Variants in SEC24D observed in about 807,000 individuals in gnomAD.
The protein encoded by SEC24D is SEC24 homolog D, COPII component.
Under a neutral mutation model 116.9 loss-of-function variants are expected in SEC24D, and 69 were observed. That is an observed-to-expected ratio of 0.59 (90% confidence interval 0.49 to 0.72). SEC24D has a LOEUF of 0.72. Ranked by LOEUF, SEC24D falls within the 30% of genes least tolerant of loss-of-function variation. The pLI, the probability that SEC24D is intolerant of heterozygous loss-of-function variation, is 0.00. For synonymous variants in SEC24D, 405 were observed against 442.8 expected (o/e 0.91, Z 1.07); for missense variants, 1,131 against 1,264.1 (o/e 0.89, Z 1.60).
At chr4:118,795,913 T>G (rs917566797) in intron 8 of SEC24D, among the ~76,000 whole-genome samples, 31 of 152,350 alleles carry the variant, frequency 2.0e-4, no homozygotes, top group Middle Eastern at 3.4e-3. Flanking sequence ...TACATTTTAT[T>G]GTAAATGAAT....
chr4:118,835,658 T>C (rs1313486008), intron 1 of SEC24D, among the ~76,000 whole-genome samples: 2 of 152,204 alleles, frequency 1.3e-5, no homozygotes, highest in Admixed American at 6.5e-5. Context: ...ACTCGAATGG[T>C]GGCCACTGAG....
chr4:118,768,361 A>T, intron 8 of SEC24D, 50 bp from the exon 9 acceptor site: 2 of 1,450,704 alleles, frequency 1.4e-6, no homozygotes, highest in Non-Finnish European at 1.9e-6. Flanking sequence ...TAGGATTTCT[A>T]GGTACTATAA....
At chr4:118,800,581 G>A (rs1343391050) in intron 7 of SEC24D, among the ~76,000 whole-genome samples, 1 of 152,168 alleles carries the variant, frequency 6.6e-6, no homozygotes, top group Admixed American at 6.5e-5. Context: ...ACTGCAGGCT[G>A]AATCCAGTCC....
chr4:118,790,741 C>A (rs1728860243), intron 8 of SEC24D, among the ~76,000 whole-genome samples: 1 of 151,414 alleles, frequency 6.6e-6, no homozygotes, highest in African/African-American at 2.4e-5. Flanking sequence ...TAGGCCGTTG[C>A]TAACACAATA....
rs756125105 is a variant in SEC24D, at chr4:118,745,078, C to G, written c.1708-18G>C. On this transcript the variant is annotated intron_variant, in intron 13 of 22. Coordinates refer to ENST00000280551, the MANE Select transcript of SEC24D (RefSeq NM_014822.4). Reference sequence around the variant, plus strand: ...TCTGCTGCCTAAAAAAAAAAAAAAACCCAAAAACCCACAGAAAATGCCGTG... The same window carrying G: ...TCTGCTGCCTAAAAAAAAAAAAAAAGCCAAAAACCCACAGAAAATGCCGTG... 6 of 1,058,342 alleles carry G rather than the reference C, an allele frequency of 5.7e-6. No homozygotes were observed. The African/African-American group carries it at 9.9e-5, about 17-fold the overall frequency. The allele number at this position is 1,058,342 out of a possible 1,614,324, so 65.6% of individuals were successfully genotyped here.
At chr4:118,789,259 T>C (rs191616701) in intron 8 of SEC24D, among the ~76,000 whole-genome samples, 196 of 152,302 alleles carry the variant, frequency 1.3e-3, no homozygotes, top group South Asian at 4.8e-3. Context: ...AGGGATGACA[T>C]GGTCATAGTG....
At chr4:118,818,897 T>C (rs879295434) in intron 3 of SEC24D, among the ~76,000 whole-genome samples, 2 of 152,148 alleles carry the variant, frequency 1.3e-5, no homozygotes, top group Admixed American at 6.6e-5. Context: ...AACAAAACTA[T>C]CCAATTTCTC....
At chr4:118,818,675 GT>G (rs1345840867) in intron 3 of SEC24D, among the ~76,000 whole-genome samples, 1 of 151,610 alleles carries the variant, frequency 6.6e-6, no homozygotes. Flanking sequence ...TGCAGTCTAT[GT>G]TTTATCGGTA....
intron 1 of SEC24D, among the ~76,000 whole-genome samples, chr4:118,835,112 T>A (rs1221899869): frequency 6.6e-6 from 1 of 152,210 alleles, no homozygotes; most frequent in Non-Finnish European, 1.5e-5. Flanking sequence ...GAGAGAGACG[T>A]GGCAGCCTGA....
chr4:118,744,196 T>C (rs1726381892), intron 14 of SEC24D, 38 bp from the exon 15 acceptor site: 1 of 1,461,360 alleles, frequency 6.8e-7, no homozygotes, highest in Admixed American at 2.5e-5. Context: ...AAAATAAAAA[T>C]TACAAAATGT....
intron 8 of SEC24D, among the ~76,000 whole-genome samples, chr4:118,773,015 C>T (rs1445986713): frequency 3.3e-5 from 5 of 152,130 alleles, no homozygotes; most frequent in Non-Finnish European, 7.3e-5. Flanking sequence ...CACCGGAGTT[C>T]ATGTAAGTTC....
In SEC24D at chr4:118,815,714, G is replaced by C. The variant is rs755428325; in HGVS notation, c.410C>G (p.Ala137Gly). The C allele has an allele frequency of 6.2e-7, 1 of 1,613,884 alleles. No homozygotes were observed. The highest frequency in any genetic ancestry group is 1.1e-5 in the South Asian group (1 of 91,080). Residue 137 changes from alanine (A) to glycine (G), a missense_variant, in exon 5 of 23, where the codon GCT (alanine) becomes GGT (glycine). Transcript: ENST00000280551. ...GCCAGGGGGTCCCTGGCTTGGAGGA[G>C]CCATGCCTGAACCTGTGTGAGAAAG... ...MQINSYGSGMAPPSQGPPGPL... is the reference protein window; with the variant it reads ...MQINSYGSGMGPPSQGPPGPL...
intron 16 of SEC24D, 46 bp downstream of exon 16, chr4:118,740,895 A>C (rs1247585632): frequency 6.3e-7 from 1 of 1,594,076 alleles, no homozygotes; most frequent in Admixed American, 1.7e-5. Context: ...TGAAAAAGAA[A>C]CAATTATTCA....
chr4:118,825,042 T>C (rs892205282), intron 2 of SEC24D, among the ~76,000 whole-genome samples: 2 of 152,178 alleles, frequency 1.3e-5, no homozygotes, highest in South Asian at 2.1e-4. Context: ...CTTGATAAAG[T>C]ATATTACCAC....
intron 7 of SEC24D, 132 bp from the exon 8 acceptor site, chr4:118,797,942 T>C: frequency 1.4e-6 from 1 of 689,826 alleles, no homozygotes; most frequent in Non-Finnish European, 2.2e-6. Flanking sequence ...TCTTCATGAT[T>C]TGTTTTTTAA....
rs1333342310 is a variant in SEC24D, at chr4:118,797,613, A to C, written c.1041+70T>G. The stretch of plus-strand genomic sequence containing the variant: ...TGTTTATATTATAGAATAATGTATA[A>C]GAAAATTGTGAGAAAATGGTAATTT... On this transcript the variant is annotated intron_variant, in intron 8 of 22. Transcript: ENST00000280551. The C allele has an allele frequency of 4.1e-6, 5 of 1,226,062 alleles. No individual in the cohort carries two copies. In the East Asian group the frequency reaches 1.2e-4, roughly 30 times the overall value. The allele number at this position is 1,226,062 out of a possible 1,614,324, so 75.9% of individuals were successfully genotyped here. A position where few individuals can be genotyped will look rare whatever the true frequency, so the allele number is the denominator to read the frequency against.
chr4:118,758,163 A>C (rs1283799389), intron 10 of SEC24D, among the ~76,000 whole-genome samples: 2 of 152,204 alleles, frequency 1.3e-5, no homozygotes, highest in Admixed American at 1.3e-4. Flanking sequence ...GTACAGAATC[A>C]TGGCCAGACT....
chr4:118,767,932 T>C (rs1727717273), intron 9 of SEC24D, among the ~76,000 whole-genome samples: 1 of 152,214 alleles, frequency 6.6e-6, no homozygotes, highest in Non-Finnish European at 1.5e-5. Context: ...TTTTTCCCCC[T>C]ACATTTGAGT....
chr4:118,777,554 A>G (rs1440898886), intron 8 of SEC24D, among the ~76,000 whole-genome samples: 1 of 152,258 alleles, frequency 6.6e-6, no homozygotes, highest in Non-Finnish European at 1.5e-5. Context: ...TGTTGTGAAC[A>G]GTGCCACAAT....
Sources: allele counts gnomAD v4.1 joint callset (sites outside exome capture counted in the v4.1 genomes callset), GRCh38; gene constraint gnomAD v4.1.1; transcripts MANE v1.5; gene names NCBI Gene and HGNC (gene_info 2026-07-23, HGNC 2026-07-21).